The following SCN11A variants were observed in gnomAD, a reference collection of about 807,000 sequenced individuals.
SCN11A encodes the protein sodium voltage-gated channel alpha subunit 11, also known as sodium channel protein type 11 subunit alpha.
In SCN11A, 122 loss-of-function variants were observed where a neutral mutation model predicts 162.2. That is an observed-to-expected ratio of 0.75 (90% CI 0.65 to 0.87). The LOEUF (loss-of-function observed/expected upper bound fraction) is 0.87. Among genes scored for constraint, SCN11A ranks in the 40% least tolerant of loss-of-function variants. The pLI is 0.00. For missense variants in SCN11A, 2,015 were observed against 2,181.6 expected, an observed-to-expected ratio of 0.92 and a Z score of 1.52; for synonymous variants, 758 against 751.5, an observed-to-expected ratio of 1.01 and a Z score of -0.14.
In SCN11A at chr3:38,897,971, C is replaced by T. The variant is rs149175553; in HGVS notation, c.2023-746G>A. ...AATAATCAGGCCAGGCACAGTGGCTCTCATCTGTAATCCCAGCACTTTGGG... is the reference window on the plus strand; with the variant it reads ...AATAATCAGGCCAGGCACAGTGGCTTTCATCTGTAATCCCAGCACTTTGGG... On this transcript the variant is annotated intron_variant, in intron 17 of 29. Coordinates refer to ENST00000302328, the MANE Select transcript of SCN11A (RefSeq NM_001349253.2). 8.3e-3 allele frequency among the ~76,000 whole-genome samples: 1,266 copies of T among 152,228 alleles called. 23 individuals are homozygous for T. The highest frequency in any genetic ancestry group is 0.029 in the African/African-American group (1,214 of 41,542).
intron 2 of SCN11A, among the ~76,000 whole-genome samples, chr3:39,028,055 A>G (rs1193860558): frequency 8.6e-5 from 13 of 151,954 alleles, no homozygotes; most frequent in Admixed American, 7.2e-4. Flanking sequence ...TCTACAGAAA[A>G]CCCTCATCAA....
At chr3:38,963,933 C>T (rs1235597247) in intron 2 of SCN11A, among the ~76,000 whole-genome samples, 3 of 152,166 alleles carry the variant, frequency 2.0e-5, no homozygotes, top group Non-Finnish European at 2.9e-5. Context: ...AAGTCACATT[C>T]AGACTTCCTG....
chr3:38,850,095 TA>T (rs1349846162), intron 29 of SCN11A: 4 of 172,600 alleles, frequency 2.3e-5, no homozygotes, highest in African/African-American at 9.6e-5. Flanking sequence ...ACATGGGCAG[TA>T]AATCCTTAAA....
chr3:38,995,799 G>GTCTATCTATCTATCTGTCTGTCTGTCTA lies in SCN11A; in HGVS notation c.-279-35377_-279-35376insTAGACAGACAGACAGATAGATAGATAGA, dbSNP rs1553648575. On this transcript the variant is annotated intron_variant, in intron 2 of 29. Transcript: ENST00000302328. Reference sequence around the variant, plus strand: ...GTGAGCCAATTTCTCACAATAAATTGTCTATCTATCTATCTATCTGTCTAT... The same window carrying GTCTATCTATCTATCTGTCTGTCTGTCTA: ...GTGAGCCAATTTCTCACAATAAATTGTCTATCTATCTATCTGTCTGTCTGTCTATCTATCTATCTATCTATCTGTCTAT... 5.0e-3 allele frequency among the ~76,000 whole-genome samples: 652 copies of GTCTATCTATCTATCTGTCTGTCTGTCTA among 131,438 alleles called. 13 individuals are homozygous for GTCTATCTATCTATCTGTCTGTCTGTCTA. The highest frequency in any genetic ancestry group is 0.018 in the African/African-American group (612 of 33,134). 86.2% of individuals were successfully genotyped at this position (131,438 alleles called of 152,430 possible).
intron 2 of SCN11A, among the ~76,000 whole-genome samples, chr3:38,978,307 T>C (rs924207891): frequency 1.3e-5 from 2 of 152,218 alleles, no homozygotes; most frequent in Non-Finnish European, 2.9e-5. Context: ...TATTCTTAGA[T>C]ATATTCTTTT....
At chr3:38,920,556 C>T (rs374186251) in intron 10 of SCN11A, among the ~76,000 whole-genome samples, 16 of 151,856 alleles carry the variant, frequency 1.1e-4, no homozygotes, top group South Asian at 2.1e-4. Flanking sequence ...CTGGGTGTGG[C>T]GGCACATGCC....
At chr3:39,000,074 A>C (rs1263473441) in intron 2 of SCN11A, among the ~76,000 whole-genome samples, 1 of 152,238 alleles carries the variant, frequency 6.6e-6, no homozygotes, top group Non-Finnish European at 1.5e-5. Context: ...TGAAGCTAGA[A>C]TACTGAAAAG....
intron 7 of SCN11A, among the ~76,000 whole-genome samples, chr3:38,938,509 CATATATAT>C (rs1166609754): frequency 0.064 from 2,261 of 35,328 alleles, 131 homozygotes; most frequent in East Asian, 0.11. Context: ...GGAAAAATAT[CATATATAT>C]ATATATATAT....
At chr3:38,932,430 C>T (rs1031865634) in intron 7 of SCN11A, among the ~76,000 whole-genome samples, 6 of 152,138 alleles carry the variant, frequency 3.9e-5, no homozygotes, top group African/African-American at 1.2e-4. Context: ...TTGCCTCACT[C>T]GGGAAGCACA....
At chr3:38,901,219 AT>A (rs2065694303) in intron 16 of SCN11A, among the ~76,000 whole-genome samples, 1 of 152,254 alleles carries the variant, frequency 6.6e-6, no homozygotes, top group Admixed American at 6.5e-5. Flanking sequence ...CTGAAATAAA[AT>A]GGCAAAAGTT....
chr3:38,872,123 A>C, intron 24 of SCN11A, 70 bp downstream of exon 24: 2 of 957,788 alleles, frequency 2.1e-6, no homozygotes, highest in Non-Finnish European at 1.7e-6. Flanking sequence ...ATCTCAGCCC[A>C]AAAAGAACTG....
At chr3:39,022,084 T>A (rs1344368057) in intron 2 of SCN11A, among the ~76,000 whole-genome samples, 1 of 152,148 alleles carries the variant, frequency 6.6e-6, no homozygotes, top group Non-Finnish European at 1.5e-5. Context: ...AGATCACCAC[T>A]GGAGTAGTTC....
intron 6 of SCN11A, 150 bp downstream of exon 6, chr3:38,946,639 C>A (rs183953683): frequency 4.6e-6 from 3 of 653,304 alleles, no homozygotes; most frequent in Non-Finnish European, 8.2e-6. Flanking sequence ...TTGCTCACAT[C>A]CAGCACAGTC....
In SCN11A at chr3:38,847,516, C is replaced by T; in HGVS notation, c.4554G>A (p.Trp1518Ter). 6.2e-7 allele frequency: 1 copy of T among 1,614,108 alleles called. No homozygotes were observed. Among genetic ancestry groups the T allele is most frequent in the Non-Finnish European group, 8.5e-7 (1 of 1,180,018 alleles). The part of the protein sequence containing the change: ...MFIYAILGMN[W>*]FSKVNPESGI... ...CAGACTCTGGATTCACTTTGGAAAACCAGTTCATACCCAGAATGGCATAGA... is the reference window on the plus strand; with the variant it reads ...CAGACTCTGGATTCACTTTGGAAAATCAGTTCATACCCAGAATGGCATAGA... Residue 1518 changes from tryptophan (W) to a stop codon, truncating the protein, a stop_gained, in exon 30 of 30, where the codon TGG becomes TGA. Transcript: ENST00000302328. LOFTEE classifies it low-confidence loss of function (END_TRUNC).
At chr3:38,892,857 T>A (rs1052684358) in intron 19 of SCN11A, among the ~76,000 whole-genome samples, 1 of 151,982 alleles carries the variant, frequency 6.6e-6, no homozygotes, top group Non-Finnish European at 1.5e-5. Flanking sequence ...AATAAGGAAA[T>A]AATTCAAAAA....
At chr3:39,025,222 G>A (rs1172907650) in intron 2 of SCN11A, among the ~76,000 whole-genome samples, 1 of 152,106 alleles carries the variant, frequency 6.6e-6, no homozygotes, top group Non-Finnish European at 1.5e-5. Flanking sequence ...AGAGACCTTG[G>A]TTCTGAGGCT....
intron 11 of SCN11A, among the ~76,000 whole-genome samples, chr3:38,918,578 C>T (rs1227467236): frequency 6.6e-6 from 1 of 152,202 alleles, no homozygotes; most frequent in African/African-American, 2.4e-5. Context: ...TCCATGAAAT[C>T]AGTCCCTGGT....
chr3:38,927,787 C>A (rs936099131), intron 7 of SCN11A, among the ~76,000 whole-genome samples: 1 of 152,158 alleles, frequency 6.6e-6, no homozygotes, highest in African/African-American at 2.4e-5. Flanking sequence ...CTCACTATTA[C>A]GAGAATAGCA....
At chr3:38,859,044 A>G (rs769446239) in intron 28 of SCN11A, among the ~76,000 whole-genome samples, 20 of 152,292 alleles carry the variant, frequency 1.3e-4, no homozygotes, top group Non-Finnish European at 2.8e-4. Flanking sequence ...GAAAGTTTGT[A>G]GCATTAAATG....
Sources: gnomAD v4.1 joint callset for allele counts (sites outside exome capture counted in the v4.1 genomes callset) on GRCh38, gnomAD v4.1.1 for gene constraint, MANE v1.5 for transcripts, NCBI Gene and HGNC (gene_info 2026-07-23, HGNC 2026-07-21) for gene names.